PCNT: variants seen among roughly 807,000 people sequenced by gnomAD.
PCNT encodes kendrin.
PCNT carries 319 observed loss-of-function variants against 380.4 expected under a neutral mutation model. That is an observed-to-expected ratio of 0.84 (90% CI 0.77 to 0.92). PCNT has a LOEUF of 0.92. Ranked by LOEUF, PCNT falls within the 40% of genes least tolerant of loss-of-function variation. The pLI is 0.00. For missense variants in PCNT, 4,400 were observed against 4,255.3 expected (o/e 1.03, Z -0.95); for synonymous variants, 1,845 against 1,735.2 (o/e 1.06, Z -1.57).
Position 46,440,162 on chromosome 21 carries a change from C to T in PCNT, c.9353C>T (p.Pro3118Leu), listed in dbSNP as rs772353569. Residue 3118 changes from proline to leucine, a missense_variant, in exon 42 of 47, where the codon CCA becomes CTA. Coordinates refer to ENST00000359568, the MANE Select transcript of PCNT (RefSeq NM_006031.6). Reference sequence around the variant, plus strand: ...AGGCGCCCAGACCCCGGCCGGCTTCCACCAGCTGCCAGCGAGGAAGCACAC... The same window carrying T: ...AGGCGCCCAGACCCCGGCCGGCTTCTACCAGCTGCCAGCGAGGAAGCACAC... The part of the protein sequence containing the change: ...SLRRPDPGRL[P>L]PAASEEAHTS... 2.5e-6 allele frequency: 4 copies of T among 1,614,030 alleles called. No homozygotes were observed. The South Asian group carries it at 3.3e-5, about 13-fold the overall frequency.
intron 31 of PCNT, among the ~76,000 whole-genome samples, chr21:46,419,991 G>A (rs940382929): frequency 2.0e-5 from 3 of 152,186 alleles, no homozygotes; most frequent in Non-Finnish European, 2.9e-5. Flanking sequence ...GAACTTCCTC[G>A]TCTCCCTGGT....
chr21:46,435,186 T>G (rs2087915673), intron 38 of PCNT, among the ~76,000 whole-genome samples: 1 of 152,090 alleles, frequency 6.6e-6, no homozygotes, highest in South Asian at 2.1e-4. Flanking sequence ...CGCGGCTGTG[T>G]GTTTTGGGCT....
intron 2 of PCNT, among the ~76,000 whole-genome samples, chr21:46,327,025 A>AG (rs1159519160): frequency 1.3e-5 from 2 of 151,794 alleles, no homozygotes; most frequent in Non-Finnish European, 2.9e-5. Context: ...AAAAAAAAAA[A>AG]CAGTGAGTAA....
rs776876576 is a variant in PCNT at position 46,444,815 on chromosome 21, C to T, written c.9961C>T (p.Leu3321=). The change falls in exon 46 of 47, where the codon CTA becomes TTA. Residue 3321 remains leucine, a synonymous_variant. Coordinates refer to ENST00000359568, the MANE Select transcript of PCNT (RefSeq NM_006031.6). ...GATCCAGCAAAGATTGGGAGGGGTA[C>T]TACCAGGTAATGCAAGTCCTCGCCG... The part of the protein sequence containing the change: ...EVIQQRLGGV[L]PDSTSKKSCH... 9 of 1,613,128 alleles carry T rather than the reference C, an allele frequency of 5.6e-6. No individual in the cohort carries two copies. The highest frequency in any genetic ancestry group is 8.5e-7 in the Non-Finnish European group (1 of 1,179,226).
intron 27 of PCNT, among the ~76,000 whole-genome samples, chr21:46,403,614 CGT>C (rs1315778385): frequency 2.9e-5 from 2 of 69,776 alleles, no homozygotes; most frequent in South Asian, 6.2e-4. Context: ...GTGGGAGAAT[CGT>C]GTGTGTGTGG....
chr21:46,437,018 G>C lies in PCNT; in HGVS notation c.9036G>C (p.Val3012=). ...NDWTSSNEKA[V]MSLLHTLEEL... is the part of the protein sequence containing the mutation. ...GGACGTCATCCAATGAGAAAGCAGT[G>C]ATGTCTTTACTGCACACGTTGGAGG... is the stretch of plus-strand genomic sequence containing the variant. The change falls in exon 40 of 47, where the codon GTG becomes GTC. Residue 3012 remains valine, a synonymous_variant. Coordinates refer to ENST00000359568, the MANE Select transcript of PCNT (RefSeq NM_006031.6). 6.2e-7 allele frequency: 1 copy of C among 1,614,140 alleles called. No homozygotes were observed. The highest frequency in any genetic ancestry group is 8.5e-7 in the Non-Finnish European group (1 of 1,179,928).
intron 3 of PCNT, among the ~76,000 whole-genome samples, 184 bp downstream of exon 3, chr21:46,334,952 G>A (rs981156389): frequency 1.3e-5 from 2 of 152,204 alleles, no homozygotes; most frequent in African/African-American, 4.8e-5. Context: ...CCGCCTGCAC[G>A]TTCTTAGTGT....
chr21:46,381,496 G>A (rs1397327959), intron 15 of PCNT, among the ~76,000 whole-genome samples, 198 bp from the exon 16 acceptor site: 4 of 152,068 alleles, frequency 2.6e-5, no homozygotes, highest in East Asian at 3.9e-4. Context: ...TTTTATCCCC[G>A]AAACCAGGAC....
chr21:46,354,933 T>TG (rs143785927), intron 11 of PCNT, among the ~76,000 whole-genome samples: 1 of 152,316 alleles, frequency 6.6e-6, no homozygotes, highest in East Asian at 1.9e-4. Context: ...GAGCAGGCCT[T>TG]GCACCAGAGA....
chr21:46,343,773 T>A (rs2083979933), intron 3 of PCNT, among the ~76,000 whole-genome samples: 1 of 152,222 alleles, frequency 6.6e-6, no homozygotes, highest in South Asian at 2.1e-4. Flanking sequence ...TGGCAATTTT[T>A]AAATTACTGT....
chr21:46,364,022 T>C lies in PCNT; in HGVS notation c.2609+88T>C, dbSNP rs568671576. 20 of 1,235,034 alleles carry C rather than the reference T, an allele frequency of 1.6e-5. No homozygotes were observed. The East Asian group carries it at 4.0e-4, about 25-fold the overall frequency. 76.5% of individuals were successfully genotyped at this position (1,235,034 alleles called of 1,614,324 possible). ...TGGGCAGGCTCCTGGGAGGAGGCGC[T>C]GTGGGCTCCACTGGGCGAAAAGGTC... is the stretch of plus-strand genomic sequence containing the variant. On this transcript the variant is annotated intron_variant, in intron 14 of 46. Coordinates refer to ENST00000359568, the MANE Select transcript of PCNT (RefSeq NM_006031.6).
intron 15 of PCNT, among the ~76,000 whole-genome samples, chr21:46,372,656 A>G (rs563547785): frequency 2.0e-5 from 3 of 152,356 alleles, no homozygotes; most frequent in East Asian, 3.9e-4. Flanking sequence ...ATTTCTAGCC[A>G]TAAAGTAAGG....
Position 46,437,023 on chromosome 21 carries a change from C to T in PCNT, c.9041C>T (p.Ser3014Phe), listed in dbSNP as rs756324121. Residue 3014 changes from serine to phenylalanine, a missense_variant, in exon 40 of 47, where the codon TCT becomes TTT. Ser to Phe is a radical substitution (Grantham distance 155, BLOSUM62 -2). Transcript: ENST00000359568. ...WTSSNEKAVM[S>F]LLHTLEELKS... is the part of the protein sequence containing the mutation. ...TCATCCAATGAGAAAGCAGTGATGT[C>T]TTTACTGCACACGTTGGAGGAGCTG... is the stretch of plus-strand genomic sequence containing the variant. The T allele has an allele frequency of 6.2e-7, 1 of 1,614,226 alleles. No individual in the cohort carries two copies. Among genetic ancestry groups the T allele is most frequent in the Non-Finnish European group, 8.5e-7 (1 of 1,180,012 alleles).
At chr21:46,443,244 GGCTT>G (rs1360625805) in intron 44 of PCNT, 2 of 162,518 alleles carry the variant, frequency 1.2e-5, no homozygotes, top group East Asian at 1.8e-4. Context: ...TTAAGAGACG[GGCTT>G]GCTCTATCAT....
In PCNT at chr21:46,351,452, T is replaced by C. The variant is rs747997638; in HGVS notation, c.1368T>C (p.Tyr456=). 1.1e-5 allele frequency: 17 copies of C among 1,610,172 alleles called. No homozygotes were observed. The East Asian group carries it at 3.1e-4, about 30-fold the overall frequency. ...AGTTAGAGAATCTTCAAGCATCATATGAAGACCTGAAGGCACAATCACAAG... is the reference window on the plus strand; with the variant it reads ...AGTTAGAGAATCTTCAAGCATCATACGAAGACCTGAAGGCACAATCACAAG... The part of the protein sequence containing the change: ...QLELENLQAS[Y]EDLKAQSQEE... The change falls in exon 9 of 47, where the codon TAT becomes TAC. Residue 456 remains tyrosine (Y), a synonymous_variant. Transcript: ENST00000359568.
At chr21:46,356,315 C>T (rs75669445) in intron 12 of PCNT, among the ~76,000 whole-genome samples, 1 of 152,186 alleles carries the variant, frequency 6.6e-6, no homozygotes, top group African/African-American at 2.4e-5. Context: ...CTGGGCCTGC[C>T]TGGGCCTCCT....
rs2086777971 is a variant in PCNT at position 46,411,397 on chromosome 21, T to G, written c.5324T>G (p.Leu1775Arg). Reference sequence around the variant, plus strand: ...CAGGCTGGCAGTCTGCAGAGCGAGCTGCTCTGCTCCCAGGCCGGGGGCCCT... The same window carrying G: ...CAGGCTGGCAGTCTGCAGAGCGAGCGGCTCTGCTCCCAGGCCGGGGGCCCT... ...DSQAGSLQSE[L>R]LCSQAGGPRG... Residue 1775 changes from leucine to arginine, a missense_variant, in exon 28 of 47, where the codon CTG becomes CGG. Transcript: ENST00000359568. 1 of 1,613,748 alleles carries G rather than the reference T, an allele frequency of 6.2e-7. No individual in the cohort carries two copies. Among genetic ancestry groups the G allele is most frequent in the South Asian group, 1.1e-5 (1 of 91,084 alleles).
Position 46,431,654 on chromosome 21 carries a change from G to T in PCNT, c.8190G>T (p.Glu2730Asp). The change falls in exon 38 of 47, where the codon GAG becomes GAT. Residue 2730 changes from glutamate to aspartate, a missense_variant. By Grantham distance (45) the Glu-to-Asp change is conservative (BLOSUM62 2). Coordinates refer to ENST00000359568, the MANE Select transcript of PCNT (RefSeq NM_006031.6). Reference protein sequence around the residue: ...KELRIEHSRCEALLAQERSQL... With the variant: ...KELRIEHSRCDALLAQERSQL... ...TGCGTATCGAGCACTCACGCTGCGA[G>T]GCCTTGCTGGCTCAGGAGCGGAGCC... 1 of 1,613,752 alleles carries T rather than the reference G, an allele frequency of 6.2e-7. No homozygotes were observed.
rs760671436 is a variant in PCNT at position 46,436,117 on chromosome 21, C to CTCACCAGCT, written c.8974_8982dup (p.Phe2992_Ser2994dup). The CTCACCAGCT allele has an allele frequency of 1.1e-5, 17 of 1,609,904 alleles. No individual in the cohort carries two copies. The highest frequency in any genetic ancestry group is 1.7e-4 in the Middle Eastern group (1 of 6,056). Reference sequence around the variant, plus strand: ...GCGGCTGCTCTCTGCCGCCCGGCTTCTCACCAGCTTCACCAGCCAGGCCGT... The same window carrying CTCACCAGCT: ...GCGGCTGCTCTCTGCCGCCCGGCTTCTCACCAGCTTCACCAGCTTCACCAGCCAGGCCGT... On this transcript the variant is annotated inframe_insertion, in exon 39 of 47. Transcript: ENST00000359568.
Sources: allele counts gnomAD v4.1 joint callset (sites outside exome capture counted in the v4.1 genomes callset), GRCh38; gene constraint gnomAD v4.1.1; transcripts MANE v1.5; gene names NCBI Gene and HGNC (gene_info 2026-07-23, HGNC 2026-07-21).